The following LAMA2 variants were observed in gnomAD, a reference collection of about 807,000 sequenced individuals.
LAMA2 encodes the protein laminin subunit alpha 2, also known as laminin subunit alpha-2.
A neutral mutation model predicts 364.8 loss-of-function variants in LAMA2; 269 were observed. The observed-to-expected ratio is 0.74, with a 90% CI of 0.67 to 0.82. The LOEUF (loss-of-function observed/expected upper bound fraction) is 0.82, where lower values mean the gene tolerates loss of function less well. Ranked by LOEUF, LAMA2 falls within the 40% of genes least tolerant of loss-of-function variation. The pLI is 0.00. For missense variants in LAMA2, 3,807 were observed against 3,873.2 expected, an observed-to-expected ratio of 0.98 and a Z score of 0.45; for synonymous variants, 1,379 against 1,370.6, an observed-to-expected ratio of 1.01 and a Z score of -0.14.
intron 1 of LAMA2, among the ~76,000 whole-genome samples, chr6:128,963,528 G>GTGCT (rs10683395): frequency 0.22 from 32,995 of 151,786 alleles, 5,311 homozygotes; most frequent in African/African-American, 0.46. Context: ...TTTCCACAGA[G>GTGCT]TTGTTTACTG....
intron 62 of LAMA2, among the ~76,000 whole-genome samples, chr6:129,508,301 C>T (rs1786272917): frequency 6.6e-6 from 1 of 152,236 alleles, no homozygotes; most frequent in East Asian, 1.9e-4. Flanking sequence ...TTGATGTAGG[C>T]ATGCAATGCA....
chr6:129,499,970 G>A (rs1026048847), intron 58 of LAMA2, among the ~76,000 whole-genome samples: 4 of 151,960 alleles, frequency 2.6e-5, no homozygotes, highest in Non-Finnish European at 5.9e-5. Context: ...TGCCCAGGCT[G>A]GTCTCAAACT....
rs1562430566 is a variant in LAMA2 at position 129,297,848 on chromosome 6, A to T, written c.3020A>T (p.Gln1007Leu). 1 of 1,613,816 alleles carries T rather than the reference A, an allele frequency of 6.2e-7. No homozygotes were observed. Among genetic ancestry groups the T allele is most frequent in the East Asian group, 2.2e-5 (1 of 44,880 alleles). ...DRCAHGYFNFQEGGCTACECS... is the reference protein window; with the variant it reads ...DRCAHGYFNFLEGGCTACECS... ...TGTGCCCACGGCTATTTCAACTTCC[A>T]AGAAGGAGGCTGCACAGGTCTGTAA... Residue 1007 changes from glutamine (Q) to leucine (L), a missense_variant, in exon 21 of 65, where the codon CAA becomes CTA. Gln to Leu is a moderately radical substitution (Grantham distance 113). Transcript: ENST00000421865.
intron 9 of LAMA2, among the ~76,000 whole-genome samples, chr6:129,176,518 A>G (rs1269341212): frequency 6.6e-6 from 1 of 151,942 alleles, no homozygotes; most frequent in Non-Finnish European, 1.5e-5. Context: ...AGTTAGCATC[A>G]TTTTCAGCCA....
In LAMA2 at chr6:129,099,136, T is replaced by TG. The variant is rs1445777227; in HGVS notation, c.639+721_639+722insG. Among the ~76,000 whole-genome samples the TG allele has an allele frequency of 5.2e-3, 783 of 150,002 alleles. 5 individuals are homozygous for TG. Among genetic ancestry groups the TG allele is most frequent in the African/African-American group, 0.017 (716 of 41,018 alleles). ...GAGGTTTTTTTTTTGTTTTTTTTTT[T>TG]TTTGTTTTCTGGCTTAGTTGTGTGT... On this transcript the variant is annotated intron_variant, in intron 4 of 64. Transcript: ENST00000421865.
chr6:129,316,162 G>A lies in LAMA2; in HGVS notation c.4049G>A (p.Arg1350Gln), dbSNP rs764883421. ...AAAGCTACTTATGGAAATTTCATGC[G>A]ACAAAGCAGGTAAACTCTAATAGAA... Reference protein sequence around the residue: ...LIKATYGNFMRQSRISEISME... With the variant: ...LIKATYGNFMQQSRISEISME... Residue 1350 changes from arginine (R) to glutamine (Q), a missense_variant, in exon 27 of 65, where the codon CGA (arginine) becomes CAA (glutamine). Around this residue, in one of 3 missense-constraint regions of LAMA2, gnomAD observed 3,333 missense variants for 3,345.7 expected, o/e 1.00. Transcript: ENST00000421865. 4 of 1,603,242 alleles carry A rather than the reference G, an allele frequency of 2.5e-6. No homozygotes were observed. Among genetic ancestry groups the A allele is most frequent in the East Asian group, 4.5e-5 (2 of 44,834 alleles).
chr6:129,457,859 TTC>T (rs1042647472), intron 48 of LAMA2, among the ~76,000 whole-genome samples: 1 of 152,116 alleles, frequency 6.6e-6, no homozygotes, highest in African/African-American at 2.4e-5. Context: ...CTTCTTGCTG[TTC>T]TCACATAGTA....
intron 1 of LAMA2, among the ~76,000 whole-genome samples, chr6:128,980,473 A>G (rs1219146951): frequency 2.6e-5 from 4 of 152,192 alleles, no homozygotes; most frequent in Non-Finnish European, 5.9e-5. Flanking sequence ...TCTCTTTGGA[A>G]TTTAATTTTC....
chr6:129,377,716 A>T (rs1051193953), intron 34 of LAMA2, among the ~76,000 whole-genome samples: 2 of 152,218 alleles, frequency 1.3e-5, no homozygotes. Flanking sequence ...AAGCAATGTT[A>T]TCTATTCAGT....
rs886061052 is a variant in LAMA2, at chr6:129,427,779, G to A, written c.5893G>A (p.Glu1965Lys). The A allele has an allele frequency of 6.2e-7, 1 of 1,613,700 alleles. No homozygotes were observed. The highest frequency in any genetic ancestry group is 1.7e-4 in the Middle Eastern group (1 of 6,060). ...LATGPRGLLK[E>K]DAKGCLQKSF... ...AACAGGTCCTCGGGGTTTATTAAAG[G>A]AAGATGCCAAAGGCTGTCTTCAGAA... Residue 1965 changes from glutamate to lysine, a missense_variant, in exon 41 of 65, where the codon GAA (glutamate) becomes AAA (lysine). Glu to Lys is a moderately conservative substitution (Grantham distance 56). Around this residue, in one of 3 missense-constraint regions of LAMA2, gnomAD observed 3,333 missense variants for 3,345.7 expected, o/e 1.00. Coordinates refer to ENST00000421865, the MANE Select transcript of LAMA2 (RefSeq NM_000426.4).
chr6:129,297,916 T>G, intron 21 of LAMA2, 51 bp downstream of exon 21: 4 of 1,471,158 alleles, frequency 2.7e-6, no homozygotes, highest in Non-Finnish European at 3.8e-6. Context: ...AGTTTTAGGG[T>G]CTGACTTCTG....
intron 1 of LAMA2, among the ~76,000 whole-genome samples, chr6:128,968,336 C>T (rs1034371683): frequency 3.3e-5 from 5 of 152,096 alleles, no homozygotes; most frequent in African/African-American, 1.2e-4. Context: ...TTATGAGGTG[C>T]CAGGCACTGT....
chr6:129,347,442 C>G (rs1361290235), intron 30 of LAMA2, among the ~76,000 whole-genome samples: 2 of 152,068 alleles, frequency 1.3e-5, no homozygotes, highest in Non-Finnish European at 2.9e-5. Context: ...AATTGTGAAG[C>G]ACGTTAAGAG....
chr6:129,390,738 C>A (rs1176999446), intron 35 of LAMA2, among the ~76,000 whole-genome samples: 1 of 152,072 alleles, frequency 6.6e-6, no homozygotes, highest in East Asian at 1.9e-4. Context: ...ACGTAGAATT[C>A]TTTTCTCAAA....
Position 129,505,222 on chromosome 6 carries a change from A to G in LAMA2, c.8570A>G (p.Gln2857Arg), listed in dbSNP as rs372956200. ...WHKIKIMRSK[Q>R]EGILYVDGAS... The stretch of plus-strand genomic sequence containing the variant: ...TAGATTAAGATAATGAGAAGTAAGC[A>G]AGAAGGAATTCTTTATGTAGATGGG... Residue 2857 changes from glutamine to arginine, a missense_variant, in exon 61 of 65, where the codon CAA becomes CGA. By Grantham distance (43) the Gln-to-Arg change is conservative. Coordinates refer to ENST00000421865, the MANE Select transcript of LAMA2 (RefSeq NM_000426.4). 17 of 1,613,998 alleles carry G rather than the reference A, an allele frequency of 1.1e-5. No individual in the cohort carries two copies. The African/African-American group carries it at 2.1e-4, about 20-fold the overall frequency.
chr6:129,451,948 C>G (rs995468465), intron 45 of LAMA2, among the ~76,000 whole-genome samples: 1 of 152,116 alleles, frequency 6.6e-6, no homozygotes, highest in African/African-American at 2.4e-5. Flanking sequence ...TCCAAATGTG[C>G]AAATTACATG....
chr6:129,269,680 A>G (rs1427235526), intron 16 of LAMA2, among the ~76,000 whole-genome samples: 1 of 152,122 alleles, frequency 6.6e-6, no homozygotes, highest in Non-Finnish European at 1.5e-5. Flanking sequence ...TAACATGCAA[A>G]TAATTTTACA....
chr6:129,148,669 A>C (rs750542253), intron 6 of LAMA2, among the ~76,000 whole-genome samples: 5 of 152,000 alleles, frequency 3.3e-5, no homozygotes, highest in Non-Finnish European at 7.4e-5. Flanking sequence ...ATCGACCCCC[A>C]AAAAACACAT....
At chr6:129,062,260 A>G (rs1788971271) in intron 3 of LAMA2, among the ~76,000 whole-genome samples, 1 of 152,160 alleles carries the variant, frequency 6.6e-6, no homozygotes, top group Non-Finnish European at 1.5e-5. Flanking sequence ...TAATATTCCT[A>G]TTGCATAGTT....
Sources: allele counts gnomAD v4.1 joint callset (sites outside exome capture counted in the v4.1 genomes callset), GRCh38; gene constraint gnomAD v4.1.1; regional missense constraint gnomAD v4.1.1; transcripts MANE v1.5; gene names NCBI Gene and HGNC (gene_info 2026-07-23, HGNC 2026-07-21).